Variants in OPCML observed in about 807,000 individuals in gnomAD.
OPCML encodes the protein opioid binding protein/cell adhesion molecule like, also known as opioid-binding protein/cell adhesion molecule.
A neutral mutation model predicts 37.8 loss-of-function variants in OPCML; 13 were observed. The observed-to-expected ratio is 0.34, with a 90% CI of 0.22 to 0.55. The LOEUF is 0.55. OPCML is among the 20% of genes least tolerant of loss of function. OPCML has a pLI of 0.91. For missense variants in OPCML, 341 were observed against 435.6 expected (o/e 0.78, Z 1.93); for synonymous variants, 176 against 168.8 (o/e 1.04, Z -0.33).
chr11:132,771,661 A>T (rs926594303), intron 2 of OPCML: 2 of 152,200 alleles, frequency 1.3e-5, no homozygotes, highest in Admixed American at 1.3e-4. Context: ...AAGTTGTGAG[A>T]CTTCATCAAT....
rs141117271 is a variant in OPCML, at chr11:133,449,645, G to C, written c.61+82619C>G. On this transcript the variant is annotated intron_variant, in intron 1 of 7. Transcript: ENST00000524381. ...CTTCGCTTGTAGCGGCATCACTCCA[G>C]TCTCTATCTTCATCTTCACATGGCT... Among the ~76,000 whole-genome samples the C allele has an allele frequency of 2.4e-3, 362 of 151,954 alleles. 13 individuals are homozygous for C. The highest frequency in any genetic ancestry group is 8.0e-3 in the African/African-American group (331 of 41,248).
chr11:132,646,845 T>C (rs924552285), intron 3 of OPCML, among the ~76,000 whole-genome samples: 3 of 152,150 alleles, frequency 2.0e-5, no homozygotes, highest in African/African-American at 7.2e-5. Context: ...TAATCAAACA[T>C]TGGAGAATGG....
rs148531556 is a variant in OPCML, at chr11:132,518,156, G to A, written c.505+10905C>T. 3.2e-4 allele frequency among the ~76,000 whole-genome samples: 48 copies of A among 152,156 alleles called. No homozygotes were observed. The East Asian group carries it at 7.4e-3, about 23-fold the overall frequency. ...TACATGTGCCATAGTTGTTTGCTGC[G>A]CCTATCAACCCATCACCTAGGTTTT... is the stretch of plus-strand genomic sequence containing the variant. On this transcript the variant is annotated intron_variant, in intron 4 of 7. Transcript: ENST00000524381.
At chr11:132,881,545 C>A (rs1205987614) in intron 2 of OPCML, among the ~76,000 whole-genome samples, 15 of 151,752 alleles carry the variant, frequency 9.9e-5, no homozygotes, top group African/African-American at 1.5e-4. Flanking sequence ...TGGGGACACT[C>A]CCAGTAAATG....
At chr11:132,792,914 A>G (rs1938028971) in intron 2 of OPCML, among the ~76,000 whole-genome samples, 1 of 152,166 alleles carries the variant, frequency 6.6e-6, no homozygotes, top group African/African-American at 2.4e-5. Context: ...TGTGTTTCTG[A>G]TAAGCATGAC....
chr11:133,376,883 G>A (rs149713421), intron 1 of OPCML, among the ~76,000 whole-genome samples: 11 of 152,338 alleles, frequency 7.2e-5, no homozygotes, highest in African/African-American at 2.4e-4. Context: ...ACATGTCGGT[G>A]TAACCCAGTA....
intron 2 of OPCML, among the ~76,000 whole-genome samples, chr11:132,762,663 C>T (rs1182015341): frequency 1.3e-5 from 2 of 152,126 alleles, no homozygotes; most frequent in Non-Finnish European, 2.9e-5. Flanking sequence ...TGCCCGTCCC[C>T]CCACCAAGCT....
intron 1 of OPCML, among the ~76,000 whole-genome samples, chr11:133,368,993 A>T (rs1944613917): frequency 6.6e-6 from 1 of 152,262 alleles, no homozygotes; most frequent in Non-Finnish European, 1.5e-5. Context: ...AATTTTCAAA[A>T]GAATAATACT....
chr11:133,215,585 C>G (rs1939551515), intron 1 of OPCML, among the ~76,000 whole-genome samples: 1 of 152,140 alleles, frequency 6.6e-6, no homozygotes, highest in Admixed American at 6.5e-5. Context: ...ACTGGAAAGG[C>G]CTGGGGAAAC....
rs760941583 is a variant in OPCML, at chr11:133,395,256, T to C, written c.61+137008A>G. ...TTCCTATAGAGTTGTTTGAGCTCCT[T>C]ATATACTGGGTTACTAATCCCTTGT... On this transcript the variant is annotated intron_variant, in intron 1 of 7. Coordinates refer to ENST00000524381, the MANE Select transcript of OPCML (RefSeq NM_001012393.5). 5.3e-5 allele frequency among the ~76,000 whole-genome samples: 8 copies of C among 152,310 alleles called. No homozygotes were observed. The East Asian group carries it at 1.2e-3, about 22-fold the overall frequency.
At chr11:133,366,468 A>G (rs1206242467) in intron 1 of OPCML, among the ~76,000 whole-genome samples, 1 of 152,200 alleles carries the variant, frequency 6.6e-6, no homozygotes, top group Non-Finnish European at 1.5e-5. Flanking sequence ...GTCTGGGAAC[A>G]TGATAAAAAG....
intron 1 of OPCML, among the ~76,000 whole-genome samples, chr11:133,015,013 G>A (rs1947293963): frequency 6.6e-6 from 1 of 152,102 alleles, no homozygotes; most frequent in South Asian, 2.1e-4. Flanking sequence ...GCATCTACAG[G>A]CAACTCATAG....
chr11:132,820,235 C>T (rs1454960658), intron 2 of OPCML, among the ~76,000 whole-genome samples: 3 of 152,164 alleles, frequency 2.0e-5, no homozygotes, highest in Non-Finnish European at 2.9e-5. Context: ...CTTTCACATG[C>T]AAGTCCTGAT....
intron 3 of OPCML, among the ~76,000 whole-genome samples, chr11:132,529,496 C>G (rs551146760): frequency 2.0e-5 from 3 of 152,118 alleles, no homozygotes; most frequent in Non-Finnish European, 4.4e-5. Flanking sequence ...ACAAAGCCTT[C>G]CAAGAGCTCC....
intron 2 of OPCML, among the ~76,000 whole-genome samples, chr11:132,751,321 C>T (rs1055972085): frequency 6.6e-6 from 1 of 152,188 alleles, no homozygotes; most frequent in African/African-American, 2.4e-5. Flanking sequence ...CTGAATGCTT[C>T]TAAGTCTCTC....
intron 2 of OPCML, among the ~76,000 whole-genome samples, chr11:132,782,873 TATAA>T (rs1308042415): frequency 2.0e-5 from 3 of 147,120 alleles, no homozygotes; most frequent in Non-Finnish European, 4.5e-5. Context: ...TATAATTATA[TATAA>T]ATAACTATAT....
At chr11:132,833,856 G>T (rs988876235) in intron 2 of OPCML, among the ~76,000 whole-genome samples, 4 of 152,200 alleles carry the variant, frequency 2.6e-5, no homozygotes, top group African/African-American at 9.7e-5. Flanking sequence ...AATCCAGTAA[G>T]AGCATTTAGG....
intron 1 of OPCML, among the ~76,000 whole-genome samples, chr11:133,228,943 A>G (rs998263326): frequency 3.9e-5 from 6 of 152,170 alleles, no homozygotes; most frequent in African/African-American, 1.4e-4. Flanking sequence ...TGAGGTCTCA[A>G]TTTAAAACCA....
Position 132,469,452 on chromosome 11 carries a change from T to C in OPCML, c.506-32093A>G, listed in dbSNP as rs1040844305. ...GTATGTGTGTGTGAATGTATGTGTG[T>C]GTGTGGTGCCTGTGTGCCTGTGTGT... On this transcript the variant is annotated intron_variant, in intron 4 of 7. Coordinates refer to ENST00000524381, the MANE Select transcript of OPCML (RefSeq NM_001012393.5). Among the ~76,000 whole-genome samples the C allele has an allele frequency of 3.3e-5, 5 of 150,362 alleles. No individual in the cohort carries two copies. In the East Asian group the frequency reaches 6.0e-4, roughly 18 times the overall value.
Sources: allele counts gnomAD v4.1 joint callset (sites outside exome capture counted in the v4.1 genomes callset), GRCh38; gene constraint gnomAD v4.1.1; transcripts MANE v1.5; gene names NCBI Gene and HGNC (gene_info 2026-07-23, HGNC 2026-07-21).